ST7: variants seen among roughly 807,000 people sequenced by gnomAD.
The protein encoded by ST7 is suppression of tumorigenicity 7, also known as suppressor of tumorigenicity 7 protein.
In ST7, 28 loss-of-function variants were observed where a neutral mutation model predicts 78.7. The observed-to-expected ratio is 0.36, with a 90% CI of 0.26 to 0.49. The LOEUF is 0.49. ST7 is among the 20% of genes least tolerant of loss of function. The probability of loss-of-function intolerance (pLI) is 0.99; values close to 1 mark genes in which losing one functional copy is unlikely to be tolerated. For synonymous variants in ST7, 247 were observed against 249.6 expected (o/e 0.99, Z 0.10); for missense variants, 418 against 696.0 (o/e 0.60, Z 4.49).
intron 10 of ST7, among the ~76,000 whole-genome samples, chr7:117,179,409 G>A (rs1694893462): frequency 6.6e-6 from 1 of 152,192 alleles, no homozygotes. Flanking sequence ...ATGTACGCAG[G>A]ACAGGGAAGT....
intron 2 of ST7, among the ~76,000 whole-genome samples, chr7:117,114,050 G>A (rs988303012): frequency 1.3e-5 from 2 of 151,996 alleles, no homozygotes; most frequent in Non-Finnish European, 2.9e-5. Context: ...TTAAAGTCTC[G>A]GCAACAGGTG....
intron 10 of ST7, among the ~76,000 whole-genome samples, chr7:117,180,227 A>G (rs1808644733): frequency 6.6e-6 from 1 of 152,208 alleles, no homozygotes; most frequent in Non-Finnish European, 1.5e-5. Flanking sequence ...AGAGCCTGTC[A>G]GGACCTATGT....
intron 12 of ST7, among the ~76,000 whole-genome samples, chr7:117,207,818 G>T (rs1296446490): frequency 6.6e-6 from 1 of 152,190 alleles, no homozygotes; most frequent in African/African-American, 2.4e-5. Flanking sequence ...CATTAGGCCA[G>T]AAATTTCCCT....
chr7:117,103,293 A>G (rs13221657), intron 2 of ST7, among the ~76,000 whole-genome samples: 24,803 of 152,216 alleles, frequency 0.16, 2,607 homozygotes, highest in South Asian at 0.24. Context: ...CTGAATAGCC[A>G]GAGCAATCCT....
intron 9 of ST7, among the ~76,000 whole-genome samples, chr7:117,140,183 A>G (rs1805157807): frequency 6.6e-6 from 1 of 152,182 alleles, no homozygotes. Context: ...ATGCATCTAC[A>G]TTATGATTTG....
At chr7:117,080,347 T>C (rs987822793) in intron 1 of ST7, among the ~76,000 whole-genome samples, 1 of 152,202 alleles carries the variant, frequency 6.6e-6, no homozygotes, top group Admixed American at 6.5e-5. Flanking sequence ...CACACACTTA[T>C]ATAATTTGCT....
At chr7:117,142,620 GTTTT>G (rs1805416211) in intron 9 of ST7, among the ~76,000 whole-genome samples, 1 of 151,756 alleles carries the variant, frequency 6.6e-6, no homozygotes, top group Non-Finnish European at 1.5e-5. Context: ...TTTTTGTTTT[GTTTT>G]GTTTTTGAGA....
chr7:117,150,955 C>G (rs1187366519), intron 9 of ST7, among the ~76,000 whole-genome samples: 1 of 152,212 alleles, frequency 6.6e-6, no homozygotes, highest in Non-Finnish European at 1.5e-5. Flanking sequence ...CTCTTTGCCT[C>G]ACCTTTCACA....
chr7:116,959,393 A>T (rs1585042455), intron 1 of ST7: 1 of 349,608 alleles, frequency 2.9e-6, no homozygotes, highest in East Asian at 8.3e-5. Context: ...TTGTGTATAT[A>T]TGCATCTTTT....
At chr7:117,013,582 C>A (rs936312179) in intron 1 of ST7, among the ~76,000 whole-genome samples, 1 of 152,228 alleles carries the variant, frequency 6.6e-6, no homozygotes, top group Non-Finnish European at 1.5e-5. Flanking sequence ...AATCCCAACA[C>A]TTTGAGAGGC....
intron 1 of ST7, among the ~76,000 whole-genome samples, chr7:117,037,526 A>G (rs746980334): frequency 6.6e-6 from 1 of 152,170 alleles, no homozygotes; most frequent in Non-Finnish European, 1.5e-5. Flanking sequence ...ACATTGTCCT[A>G]TTGGGGCTGG....
intron 1 of ST7, among the ~76,000 whole-genome samples, chr7:117,060,099 G>T (rs1482249354): frequency 1.3e-5 from 2 of 152,088 alleles, no homozygotes; most frequent in Non-Finnish European, 2.9e-5. Flanking sequence ...TTAAAATTTT[G>T]TTCTGGATTT....
intron 1 of ST7, among the ~76,000 whole-genome samples, chr7:116,990,422 G>T (rs10275344): frequency 6.6e-6 from 1 of 152,150 alleles, no homozygotes; most frequent in Non-Finnish European, 1.5e-5. Context: ...CCTCTAAGGG[G>T]TTAGTGTTGT....
intron 1 of ST7, among the ~76,000 whole-genome samples, chr7:117,093,321 A>G (rs1649695805): frequency 6.6e-6 from 1 of 152,216 alleles, no homozygotes; most frequent in South Asian, 2.1e-4. Flanking sequence ...TGCTCAGTTA[A>G]TGCTAATATG....
At chr7:117,134,332 T>C (rs1303808261) in intron 7 of ST7, 140 bp downstream of exon 7, 3 of 1,281,910 alleles carry the variant, frequency 2.3e-6, no homozygotes, top group Admixed American at 4.3e-5. Context: ...ATCATCTATA[T>C]CTTCCATCGA....
intron 1 of ST7, among the ~76,000 whole-genome samples, chr7:117,013,701 GCCTGTAGT>G (rs1230841975): frequency 1.3e-5 from 2 of 152,120 alleles, no homozygotes; most frequent in East Asian, 3.9e-4. Flanking sequence ...GATGTTGCAT[GCCTGTAGT>G]CCCAGCTACT....
intron 9 of ST7, among the ~76,000 whole-genome samples, chr7:117,160,997 T>C (rs751192241): frequency 6.6e-6 from 1 of 152,214 alleles, no homozygotes; most frequent in Non-Finnish European, 1.5e-5. Flanking sequence ...GCAGTTATTA[T>C]CTTGATATTA....
chr7:117,099,027 C>T (rs10226938), intron 1 of ST7, among the ~76,000 whole-genome samples: 4 of 93,874 alleles, frequency 4.3e-5, no homozygotes, highest in Non-Finnish European at 7.5e-5. Flanking sequence ...CCTTTACTTT[C>T]TTAATAAACT....
At chr7:117,088,324 T>G (rs1271348931) in intron 1 of ST7, among the ~76,000 whole-genome samples, 3 of 152,234 alleles carry the variant, frequency 2.0e-5, no homozygotes, top group Non-Finnish European at 2.9e-5. Flanking sequence ...AGGATCAGTC[T>G]CATTATCATG....
Sources: gnomAD v4.1 joint callset for allele counts (sites outside exome capture counted in the v4.1 genomes callset) on GRCh38, gnomAD v4.1.1 for gene constraint, MANE v1.5 for transcripts, NCBI Gene and HGNC (gene_info 2026-07-23, HGNC 2026-07-21) for gene names.